ADGRD2: variants seen among roughly 807,000 people sequenced by gnomAD.
The protein encoded by ADGRD2 is adhesion G protein-coupled receptor D2, also known as G protein-coupled receptor PGR24.
Under a neutral mutation model 44.4 loss-of-function variants are expected in ADGRD2, and 71 were observed. That is an observed-to-expected ratio of 1.60 (90% CI 1.32 to 1.95). ADGRD2 has a LOEUF of 1.95. ADGRD2 is among the 30% of genes most tolerant of loss of function. The pLI is 0.00. For synonymous variants in ADGRD2, 481 were observed against 224.8 expected (o/e 2.14, Z -10.19); for missense variants, 1,039 against 512.4 (o/e 2.03, Z -9.92).
chr9:124,472,896 TTGGGACGG>T (rs1831978509), intron 17 of ADGRD2, among the ~76,000 whole-genome samples: 1 of 152,206 alleles, frequency 6.6e-6, no homozygotes, highest in Non-Finnish European at 1.5e-5. Context: ...CAGATTACCC[TTGGGACGG>T]TCACCCGGTG....
chr9:124,452,636 C>T (rs1270863534), exon 2 of ADGRD2: 2 of 718,156 alleles, frequency 2.8e-6, no homozygotes, highest in Admixed American at 2.0e-5. Flanking sequence ...GCACTGCAGC[C>T]CCCTGATGGG....
intron 6 of ADGRD2, 65 bp from the exon 10 acceptor site, chr9:124,456,557 C>T (rs1000073264): frequency 1.7e-5 from 12 of 708,584 alleles, no homozygotes; most frequent in African/African-American, 3.5e-5. Flanking sequence ...TTTATCCCAG[C>T]GCTCAGGGCA....
At chr9:124,467,446 T>TC in intron 11 of ADGRD2, 1 of 372,848 alleles carries the variant, frequency 2.7e-6, no homozygotes, top group Non-Finnish European at 4.9e-6. Flanking sequence ...CCGGGATCCC[T>TC]CCCCGTGGGC....
At chr9:124,453,295 G>T in exon 3 of ADGRD2, 1 of 486,604 alleles carries the variant, frequency 2.1e-6, no homozygotes, top group East Asian at 3.6e-5. Context: ...GCCCTTCCTC[G>T]CAGCCTTCCG....
At chr9:124,451,444 C>T (rs145769710), upstream of ADGRD2, 63 of 356,940 alleles carry the variant, frequency 1.8e-4, no homozygotes, top group East Asian at 2.4e-3. Flanking sequence ...AAGTAAATGT[C>T]GTCCCTACTA....
intron 7 of ADGRD2, among the ~76,000 whole-genome samples, 196 bp from the exon 11 acceptor site, chr9:124,457,276 T>C (rs1831636882): frequency 6.6e-6 from 1 of 152,174 alleles, no homozygotes; most frequent in Non-Finnish European, 1.5e-5. Flanking sequence ...TGACCGCCCC[T>C]CCTTCTCAGT....
At chr9:124,457,757 G>A (rs1238834854) in intron 8 of ADGRD2, among the ~76,000 whole-genome samples, 151 bp downstream of exon 11, 1 of 152,214 alleles carries the variant, frequency 6.6e-6, no homozygotes, top group African/African-American at 2.4e-5. Flanking sequence ...TGGCTTATGA[G>A]GTTAAAAGCA....
Position 124,453,690 on chromosome 9 carries a change from C to G in ADGRD2, c.923+14C>G. The stretch of plus-strand genomic sequence containing the variant: ...TTCTCTGTCCCGGTACGACCCGCCC[C>G]GCCCCGGCCCCACCCCATGGCCCCG... On this transcript the variant is annotated intron_variant, in intron 3 of 21. Coordinates refer to ENST00000334810, the Ensembl canonical transcript of ADGRD2. 1.4e-6 allele frequency: 1 copy of G among 691,024 alleles called. No homozygotes were observed. Among genetic ancestry groups the G allele is most frequent in the South Asian group, 1.5e-5 (1 of 66,114 alleles). The allele number at this position is 691,024 out of a possible 1,614,324, so 42.8% of individuals were successfully genotyped here.
chr9:124,455,163 G>T, intron 6 of ADGRD2, 36 bp downstream of exon 9: 1 of 654,246 alleles, frequency 1.5e-6, no homozygotes, highest in Non-Finnish European at 2.8e-6. Flanking sequence ...CAGGGGCCTG[G>T]GCTATGGTTC....
intron 8 of ADGRD2, among the ~76,000 whole-genome samples, chr9:124,457,872 G>C (rs77365849): frequency 1.3e-5 from 2 of 152,348 alleles, no homozygotes; most frequent in East Asian, 1.9e-4. Flanking sequence ...TGCCATGCAG[G>C]GGTGGGGGAT....
Position 124,462,947 on chromosome 9 carries a change from C to CT in ADGRD2, c.1871-3311_1871-3310insT, listed in dbSNP as rs1217430868. ...TCTCTCTCTCTCTTTCTCTCTCTCT[C>CT]CTTCCTTCCTTCATTCCTTCCTTTC... is the stretch of plus-strand genomic sequence containing the variant. On this transcript the variant is annotated intron_variant, in intron 10 of 21. Transcript: ENST00000334810. Among the ~76,000 whole-genome samples the CT allele has an allele frequency of 1.5e-3, 228 of 150,608 alleles. 2 individuals are homozygous for CT. Among genetic ancestry groups the CT allele is most frequent in the African/African-American group, 5.3e-3 (216 of 40,788 alleles).
In ADGRD2 at chr9:124,469,513, C is replaced by T. The variant is rs796861693; in HGVS notation, c.2605C>T (p.Pro869Ser). The T allele has an allele frequency of 7.7e-5, 55 of 718,044 alleles. 1 individual carries two copies. In the Admixed American group the frequency reaches 1.1e-3, roughly 14 times the overall value. 44.5% of individuals were successfully genotyped at this position (718,044 alleles called of 1,614,324 possible). Reference sequence around the variant, plus strand: ...CCGTGCCCGCATGTTGAGCCCACAGCCCTGCCTGCAGCAGCAGATCTGGAC... The same window carrying T: ...CCGTGCCCGCATGTTGAGCCCACAGTCCTGCCTGCAGCAGCAGATCTGGAC... Residue 869 changes from proline to serine, a missense_variant, in exon 16 of 22, where the codon CCC (proline) becomes TCC (serine). By Grantham distance (74) the Pro-to-Ser change is moderately conservative. Transcript: ENST00000334810.
rs554415485 is a variant in ADGRD2 at position 124,454,956 on chromosome 9, G to A, written c.1224G>A (p.Pro408=). Residue 408 remains proline, a synonymous_variant, in exon 6 of 22, where the codon CCG becomes CCA. Transcript: ENST00000334810. The surrounding 1 kb of genome is among the most constrained non-coding windows in gnomAD (Gnocchi z 4.5). ...CGATGGAGATGGCTCCCCTGGGGCC[G>A]GCCGCACTGCTGGCTGTTGTCCGCT... is the stretch of plus-strand genomic sequence containing the variant. The A allele has an allele frequency of 1.8e-5, 13 of 717,980 alleles. No individual in the cohort carries two copies. Among genetic ancestry groups the A allele is most frequent in the South Asian group, 4.4e-5 (3 of 67,594 alleles). The allele number at this position is 717,980 out of a possible 1,614,324, so 44.5% of individuals were successfully genotyped here. A position where few individuals can be genotyped will look rare whatever the true frequency, so the allele number is the denominator to read the frequency against.
chr9:124,468,438 C>G, intron 13 of ADGRD2, 81 bp from the exon 17 acceptor site: 2 of 711,608 alleles, frequency 2.8e-6, no homozygotes, highest in Non-Finnish European at 5.2e-6. Flanking sequence ...GTTGGCAAGG[C>G]CGGGCTGGGC....
chr9:124,455,284 A>G (rs866441839), intron 6 of ADGRD2, among the ~76,000 whole-genome samples, 157 bp downstream of exon 9: 8 of 152,174 alleles, frequency 5.3e-5, no homozygotes, highest in African/African-American at 1.7e-4. Context: ...TGATAAGTTG[A>G]ACTTCCACAA....
rs1831628033 is a variant in ADGRD2, at chr9:124,456,889, C to T, written c.1505+156C>T. On this transcript the variant is annotated intron_variant, in intron 7 of 21. Coordinates refer to ENST00000334810, the Ensembl canonical transcript of ADGRD2. Reference sequence around the variant, plus strand: ...TCCAGAATGCCCTCTCTCCCTCGATCTCCTAGCAAACACCTATACATCCTT... The same window carrying T: ...TCCAGAATGCCCTCTCTCCCTCGATTTCCTAGCAAACACCTATACATCCTT... 2.0e-5 allele frequency among the ~76,000 whole-genome samples: 3 copies of T among 152,188 alleles called. No homozygotes were observed. In the South Asian group the frequency reaches 6.2e-4, roughly 32 times the overall value.
chr9:124,458,239 G>T lies in ADGRD2; in HGVS notation c.1764+3G>T, dbSNP rs1831654839. ...GAGGAGGCAAACAGGGTGCAGAGGT[G>T]AGTAGGCGCCACCTGGAGGGCTGTG... On this transcript the variant is annotated splice_donor_region_variant and intron_variant, in intron 9 of 21. Transcript: ENST00000334810. 1.4e-6 allele frequency: 1 copy of T among 718,250 alleles called. No homozygotes were observed. The highest frequency in any genetic ancestry group is 2.6e-6 in the Non-Finnish European group (1 of 385,068). The allele number at this position is 718,250 out of a possible 1,614,324, so 44.5% of individuals were successfully genotyped here.
rs547366878 is a variant in ADGRD2, at chr9:124,476,571, G to A, written c.2905-108G>A. 15 of 639,236 alleles carry A rather than the reference G, an allele frequency of 2.3e-5. 1 individual carries two copies. The highest frequency in any genetic ancestry group is 1.5e-4 in the South Asian group (9 of 58,764). 39.6% of individuals were successfully genotyped at this position (639,236 alleles called of 1,614,324 possible). On this transcript the variant is annotated intron_variant, in intron 20 of 21. Coordinates refer to ENST00000334810, the Ensembl canonical transcript of ADGRD2. ...CTTGGGCTGAAGGGCCCAGGGAGGGGGAGCTGCTGGCGGCAAGCTGGCAGA... is the reference window on the plus strand; with the variant it reads ...CTTGGGCTGAAGGGCCCAGGGAGGGAGAGCTGCTGGCGGCAAGCTGGCAGA...
rs548694396 is a variant in ADGRD2 at position 124,475,431 on chromosome 9, T to G, written c.2759-15T>G. The G allele has an allele frequency of 1.4e-6, 1 of 710,960 alleles. No homozygotes were observed. Among genetic ancestry groups the G allele is most frequent in the African/African-American group, 1.8e-5 (1 of 57,062 alleles). 44.0% of individuals were successfully genotyped at this position (710,960 alleles called of 1,614,324 possible). Reference sequence around the variant, plus strand: ...GGAGGCTCCGGGCTGAGGCACTCGCTGGGTCTGTCCTCAGGGGCTGTACAT... The same window carrying G: ...GGAGGCTCCGGGCTGAGGCACTCGCGGGGTCTGTCCTCAGGGGCTGTACAT... On this transcript the variant is annotated splice_polypyrimidine_tract_variant and intron_variant, in intron 17 of 21. Coordinates refer to ENST00000334810, the Ensembl canonical transcript of ADGRD2.
Sources: gnomAD v4.1 joint callset for allele counts (sites outside exome capture counted in the v4.1 genomes callset) on GRCh38, gnomAD v4.1.1 for gene constraint, Gnocchi (gnomAD v3.1) non-coding constraint, MANE v1.5 for transcripts, NCBI Gene and HGNC (gene_info 2026-07-23, HGNC 2026-07-21) for gene names.